SH3YL1: variants seen among roughly 807,000 people sequenced by gnomAD.
The protein encoded by SH3YL1 is SH3 domain-containing YSC84-like protein 1.
SH3YL1 carries 41 observed loss-of-function variants against 45.8 expected under a neutral mutation model. That is an observed-to-expected ratio of 0.89 (90% CI 0.70 to 1.16). The LOEUF (loss-of-function observed/expected upper bound fraction) is 1.16, where lower values mean the gene tolerates loss of function less well. Ranked by LOEUF, SH3YL1 falls within the 50% of genes most tolerant of loss-of-function variation. SH3YL1 has a pLI of 0.00. For missense variants in SH3YL1, 389 were observed against 409.6 expected (o/e 0.95, Z 0.43); for synonymous variants, 152 against 151.4 (o/e 1.00, Z -0.03).
chr2:243,800 T>A (rs966128981), intron 4 of SH3YL1, among the ~76,000 whole-genome samples: 1 of 152,170 alleles, frequency 6.6e-6, no homozygotes, highest in African/African-American at 2.4e-5. Context: ...AGCTGTGTGA[T>A]CTTAGGTAAG....
upstream of SH3YL1, chr2:264,613 C>T (rs1669774131): frequency 6.5e-6 from 1 of 153,492 alleles, no homozygotes; most frequent in South Asian, 2.0e-4. Flanking sequence ...CCGCCAACCC[C>T]CGCCACCACA....
At position 229,992 on chromosome 2, in the gene SH3YL1, G is replaced by A. The variant is rs546662772; in HGVS notation, c.755C>T (p.Pro252Leu). ...TTGAGAGCCAGAGTTCAGCTGGACT[G>A]GTGCAGATGACTGCTGTGGTCTTGA... ...PLSRPQQSSA[P>L]VQLNSGSQSN... The change falls in exon 8 of 10, where the codon CCA becomes CTA. Residue 252 changes from proline (P) to leucine (L), a missense_variant. Physicochemically the swap from Pro to Leu is moderately conservative, Grantham distance 98. Transcript: ENST00000356150. 5.4e-5 allele frequency: 87 copies of A among 1,612,788 alleles called. No individual in the cohort carries two copies. The South Asian group carries it at 9.6e-4, about 18-fold the overall frequency.
At chr2:235,213 T>C (rs1330660193) in intron 4 of SH3YL1, among the ~76,000 whole-genome samples, 1 of 152,268 alleles carries the variant, frequency 6.6e-6, no homozygotes, top group African/African-American at 2.4e-5. Flanking sequence ...GAAACTACAA[T>C]GAGATTCAAC....
intron 1 of SH3YL1, among the ~76,000 whole-genome samples, chr2:258,972 C>T (rs1458292984): frequency 6.6e-6 from 1 of 152,204 alleles, no homozygotes; most frequent in East Asian, 1.9e-4. Context: ...CTGCAAATTC[C>T]AGTTACCTCA....
In SH3YL1 at chr2:253,028, T is replaced by C. The variant is rs1669140799; in HGVS notation, c.89A>G (p.Asn30Ser). The part of the protein sequence containing the change: ...LREFTEITSR[N>S]GPDKIIPAHV... The stretch of plus-strand genomic sequence containing the variant: ...ACCAGGAATGATCTTATCAGGTCCA[T>C]TTCTGGAAGTTATTTCTGTGAATTC... Residue 30 changes from asparagine to serine, a missense_variant, in exon 2 of 10, where the codon AAT (asparagine) becomes AGT (serine). By Grantham distance (46) the Asn-to-Ser change is conservative (BLOSUM62 1). Coordinates refer to ENST00000356150, the MANE Select transcript of SH3YL1 (RefSeq NM_015677.4). The C allele has an allele frequency of 6.5e-7, 1 of 1,546,628 alleles. No homozygotes were observed. Among genetic ancestry groups the C allele is most frequent in the South Asian group, 1.2e-5 (1 of 83,676 alleles).
chr2:243,181 A>C (rs371491284), intron 4 of SH3YL1, among the ~76,000 whole-genome samples: 1 of 152,174 alleles, frequency 6.6e-6, no homozygotes, highest in African/African-American at 2.4e-5. Flanking sequence ...ACTAGACCCA[A>C]TGGACTCCTG....
intron 9 of SH3YL1, among the ~76,000 whole-genome samples, chr2:224,616 A>C (rs1667716323): frequency 1.3e-5 from 2 of 152,182 alleles, no homozygotes; most frequent in Admixed American, 6.5e-5. Flanking sequence ...CGCTGTCCCC[A>C]GCACACACTC....
intron 9 of SH3YL1, among the ~76,000 whole-genome samples, chr2:221,450 G>T (rs1288510435): frequency 1.3e-5 from 2 of 152,018 alleles, no homozygotes; most frequent in Admixed American, 6.6e-5. Flanking sequence ...GAGAAAGAAG[G>T]CGAGATCACA....
At chr2:242,830 T>C (rs1163509145) in intron 4 of SH3YL1, 5 of 1,533,494 alleles carry the variant, frequency 3.3e-6, no homozygotes, top group South Asian at 1.2e-5. Context: ...TGGAGAAAGA[T>C]GTGTCATGCA....
At chr2:236,720 T>C (rs910746978) in intron 4 of SH3YL1, among the ~76,000 whole-genome samples, 4 of 152,176 alleles carry the variant, frequency 2.6e-5, no homozygotes, top group African/African-American at 9.7e-5. Flanking sequence ...CATTATACAG[T>C]TATTCACATT....
chr2:232,714 T>A (rs1489915561), intron 6 of SH3YL1, among the ~76,000 whole-genome samples: 1 of 152,078 alleles, frequency 6.6e-6, no homozygotes, highest in African/African-American at 2.4e-5. Flanking sequence ...GTCCTTGTGA[T>A]AGTTTGCTGA....
rs548589853 is a variant in SH3YL1 at position 220,707 on chromosome 2, A to G, written c.839-1706T>C. ...GCAAGCTAATGCTAAAGAAAAATCC[A>G]TCCTGGAAATCTCTTATTCATGATT... On this transcript the variant is annotated intron_variant, in intron 9 of 9. Transcript: ENST00000356150. Among the ~76,000 whole-genome samples, 7 of 152,326 alleles carry G rather than the reference A, an allele frequency of 4.6e-5. No homozygotes were observed. The South Asian group carries it at 1.2e-3, about 27-fold the overall frequency.
intron 8 of SH3YL1, among the ~76,000 whole-genome samples, chr2:228,522 G>T (rs1242450672): frequency 6.6e-6 from 1 of 152,148 alleles, no homozygotes; most frequent in Non-Finnish European, 1.5e-5. Context: ...GCATATGCAG[G>T]TATCCATTCT....
chr2:247,714 C>T (rs1668890649), intron 3 of SH3YL1, 112 bp from the exon 4 acceptor site: 1 of 725,254 alleles, frequency 1.4e-6, no homozygotes, highest in East Asian at 2.8e-5. Context: ...AATAATGAGA[C>T]TTGGTATTTC....
Position 233,135 on chromosome 2 carries a change from T to A in SH3YL1, c.499A>T (p.Ser167Cys), listed in dbSNP as rs761307538. The change falls in exon 6 of 10, where the codon AGC becomes TGC. Residue 167 changes from serine (S) to cysteine (C), a missense_variant. Transcript: ENST00000356150. ...GLFAGVSLEG[S>C]CLIERKETNR... Reference sequence around the variant, plus strand: ...GTTTCTTTCCTTTCAATCAAACAGCTCCCTTCTAAAGACACGCCTGCAAAG... The same window carrying A: ...GTTTCTTTCCTTTCAATCAAACAGCACCCTTCTAAAGACACGCCTGCAAAG... The A allele has an allele frequency of 2.5e-6, 4 of 1,593,016 alleles. No individual in the cohort carries two copies. Among genetic ancestry groups the A allele is most frequent in the East Asian group, 4.5e-5 (2 of 44,308 alleles).
intron 8 of SH3YL1, among the ~76,000 whole-genome samples, 156 bp from the exon 9 acceptor site, chr2:225,076 T>C (rs1360538906): frequency 6.6e-6 from 1 of 152,180 alleles, no homozygotes; most frequent in Non-Finnish European, 1.5e-5. Context: ...AATCACAAGG[T>C]ATACCTGAAT....
At chr2:233,052 C>G (rs781287703) in intron 6 of SH3YL1, 49 bp downstream of exon 6, 4 of 1,476,016 alleles carry the variant, frequency 2.7e-6, no homozygotes, top group Admixed American at 2.3e-5. Context: ...TTTTGAAGTA[C>G]TATTTTCTCA....
At chr2:262,655 G>T in intron 1 of SH3YL1, 2 of 1,304,214 alleles carry the variant, frequency 1.5e-6, no homozygotes, top group Non-Finnish European at 2.0e-6. Context: ...GCGTGCACAG[G>T]GACTTGTGAG....
At chr2:236,350 C>T (rs960760686) in intron 4 of SH3YL1, among the ~76,000 whole-genome samples, 1 of 152,116 alleles carries the variant, frequency 6.6e-6, no homozygotes, top group African/African-American at 2.4e-5. Flanking sequence ...GGTCTTTTAA[C>T]CAGTCTTTGT....
Sources: gnomAD v4.1 joint callset for allele counts (sites outside exome capture counted in the v4.1 genomes callset) on GRCh38, gnomAD v4.1.1 for gene constraint, MANE v1.5 for transcripts, NCBI Gene and HGNC (gene_info 2026-07-23, HGNC 2026-07-21) for gene names.